The following SPIDR variants were observed in gnomAD, a reference collection of about 807,000 sequenced individuals.
SPIDR encodes the protein DNA repair-scaffolding protein.
Under a neutral mutation model 104.6 loss-of-function variants are expected in SPIDR, and 93 were observed. The ratio of observed to expected loss-of-function variants is 0.89; its 90% CI spans 0.75 to 1.06. The LOEUF is 1.06. SPIDR is among the 50% of genes least tolerant of loss of function. The pLI is 0.00. For missense variants in SPIDR, 1,154 were observed against 1,111.2 expected, an observed-to-expected ratio of 1.04 and a Z score of -0.55; for synonymous variants, 431 against 416.9, an observed-to-expected ratio of 1.03 and a Z score of -0.41.
intron 19 of SPIDR, among the ~76,000 whole-genome samples, chr8:47,733,150 G>A (rs1455413413): frequency 1.3e-5 from 2 of 152,202 alleles, no homozygotes; most frequent in East Asian, 1.9e-4. Flanking sequence ...ACTTTGGGAG[G>A]CCCAGTCGGG....
At chr8:47,483,519 G>A (rs2077155919) in intron 8 of SPIDR, among the ~76,000 whole-genome samples, 3 of 152,194 alleles carry the variant, frequency 2.0e-5, no homozygotes, top group Non-Finnish European at 4.4e-5. Flanking sequence ...AGTAGTCAGT[G>A]TAGAGGAATG....
intron 5 of SPIDR, among the ~76,000 whole-genome samples, chr8:47,296,826 T>G (rs2040929744): frequency 6.6e-6 from 1 of 152,224 alleles, no homozygotes; most frequent in Non-Finnish European, 1.5e-5. Context: ...GAATATCACT[T>G]TGGGAAGTAT....
intron 11 of SPIDR, among the ~76,000 whole-genome samples, chr8:47,684,035 G>A (rs1563534213): frequency 6.8e-6 from 1 of 146,784 alleles, no homozygotes; most frequent in South Asian, 2.2e-4. Context: ...CTGAGGCAGG[G>A]AGAATTACTT....
intron 10 of SPIDR, among the ~76,000 whole-genome samples, chr8:47,608,833 TC>T (rs1212772576): frequency 6.6e-6 from 1 of 152,200 alleles, no homozygotes; most frequent in Non-Finnish European, 1.5e-5. Flanking sequence ...AGGCGATTCT[TC>T]TGCCTCAGCC....
intron 8 of SPIDR, among the ~76,000 whole-genome samples, chr8:47,558,928 C>T (rs117988161): frequency 0.025 from 3,863 of 152,260 alleles, 72 homozygotes; most frequent in Non-Finnish European, 0.037. Context: ...CGTGAGCCAC[C>T]GCACCAGCCC....
chr8:47,416,410 T>C (rs1467391693), intron 7 of SPIDR, among the ~76,000 whole-genome samples: 1 of 152,180 alleles, frequency 6.6e-6, no homozygotes, highest in Non-Finnish European at 1.5e-5. Context: ...TGCCACAGTT[T>C]GTTGAACTAT....
At chr8:47,605,563 G>A (rs1162312355) in intron 10 of SPIDR, among the ~76,000 whole-genome samples, 1 of 152,188 alleles carries the variant, frequency 6.6e-6, no homozygotes, top group African/African-American at 2.4e-5. Context: ...TATGCATAGA[G>A]GCTGGTGGTT....
At chr8:47,603,823 A>G (rs2062612765) in intron 10 of SPIDR, among the ~76,000 whole-genome samples, 1 of 152,242 alleles carries the variant, frequency 6.6e-6, no homozygotes, top group Non-Finnish European at 1.5e-5. Flanking sequence ...GTGTCTTCAG[A>G]CAAAAAGCTG....
chr8:47,398,132 A>C (rs1588161362), intron 6 of SPIDR, among the ~76,000 whole-genome samples: 1 of 152,220 alleles, frequency 6.6e-6, no homozygotes, highest in Non-Finnish European at 1.5e-5. Flanking sequence ...TAGTAGTAGA[A>C]TGTAATTTGT....
chr8:47,532,930 G>A (rs1042310758), intron 8 of SPIDR, among the ~76,000 whole-genome samples: 1 of 152,186 alleles, frequency 6.6e-6, no homozygotes, highest in Non-Finnish European at 1.5e-5. Context: ...TACAGAGTAT[G>A]TTTCAGACCA....
intron 10 of SPIDR, among the ~76,000 whole-genome samples, chr8:47,651,422 G>A (rs1243340910): frequency 1.3e-5 from 2 of 152,052 alleles, no homozygotes; most frequent in African/African-American, 2.4e-5. Flanking sequence ...CCTCAAGAAT[G>A]GACATTATTT....
intron 8 of SPIDR, among the ~76,000 whole-genome samples, chr8:47,492,911 G>A (rs2078936966): frequency 6.6e-6 from 1 of 152,054 alleles, no homozygotes; most frequent in African/African-American, 2.4e-5. Flanking sequence ...CATTGTGCCT[G>A]GAGTATCTTG....
chr8:47,660,708 G>C (rs2073968854), intron 10 of SPIDR, among the ~76,000 whole-genome samples: 1 of 152,146 alleles, frequency 6.6e-6, no homozygotes. Context: ...TGAATGATGA[G>C]GTCACCGTCA....
intron 5 of SPIDR, among the ~76,000 whole-genome samples, chr8:47,318,195 G>GA (rs1234534440): frequency 2.6e-5 from 4 of 151,912 alleles, no homozygotes; most frequent in Non-Finnish European, 5.9e-5. Context: ...AAAAACCTTG[G>GA]AAAAAAACGA....
At chr8:47,354,913 G>A (rs2054228631) in intron 5 of SPIDR, among the ~76,000 whole-genome samples, 1 of 152,096 alleles carries the variant, frequency 6.6e-6, no homozygotes, top group Admixed American at 6.6e-5. Context: ...AGAGTGTTGG[G>A]ATTACAGGCA....
At chr8:47,436,922 A>G (rs1393884254) in intron 7 of SPIDR, among the ~76,000 whole-genome samples, 2 of 152,142 alleles carry the variant, frequency 1.3e-5, no homozygotes, top group Non-Finnish European at 2.9e-5. Flanking sequence ...TGTCACAGCC[A>G]TGGGAGCGCC....
At chr8:47,345,644 A>G (rs186364473) in intron 5 of SPIDR, among the ~76,000 whole-genome samples, 1 of 152,194 alleles carries the variant, frequency 6.6e-6, no homozygotes, top group Non-Finnish European at 1.5e-5. Flanking sequence ...TTCATTGAGC[A>G]GTGGTTTGTA....
intron 5 of SPIDR, among the ~76,000 whole-genome samples, chr8:47,337,312 G>C (rs1554610315): frequency 6.6e-6 from 1 of 152,010 alleles, no homozygotes; most frequent in East Asian, 1.9e-4. Context: ...TAATTTTTTT[G>C]TAGAGACAAG....
chr8:47,702,850 C>G (rs2080510021), intron 14 of SPIDR, among the ~76,000 whole-genome samples: 2 of 152,154 alleles, frequency 1.3e-5, no homozygotes, highest in African/African-American at 4.8e-5. Flanking sequence ...GATGCCTGCA[C>G]TCACCTGGGC....
Sources: gnomAD v4.1 joint callset for allele counts (sites outside exome capture counted in the v4.1 genomes callset) on GRCh38, gnomAD v4.1.1 for gene constraint, MANE v1.5 for transcripts, NCBI Gene and HGNC (gene_info 2026-07-23, HGNC 2026-07-21) for gene names.